The following SEMA5A variants were observed in gnomAD, a reference collection of about 807,000 sequenced individuals.
SEMA5A encodes the protein semaphorin-5A.
A neutral mutation model predicts 135.5 loss-of-function variants in SEMA5A; 55 were observed. The ratio of observed to expected loss-of-function variants is 0.41; its 90% CI spans 0.33 to 0.51. SEMA5A has a LOEUF of 0.51. SEMA5A is among the 20% of genes least tolerant of loss of function. SEMA5A has a pLI of 0.37. For missense variants in SEMA5A, 1,290 were observed against 1,419.9 expected (o/e 0.91, Z 1.47); for synonymous variants, 580 against 546.5 (o/e 1.06, Z -0.85).
chr5:9,115,917 A>G (rs562404578), intron 15 of SEMA5A, among the ~76,000 whole-genome samples: 39 of 152,318 alleles, frequency 2.6e-4, no homozygotes, highest in African/African-American at 9.4e-4. Flanking sequence ...TGTAATGCCC[A>G]TCTTGCAAGG....
intron 21 of SEMA5A, among the ~76,000 whole-genome samples, chr5:9,047,343 T>G (rs1052244981): frequency 6.6e-6 from 1 of 152,220 alleles, no homozygotes; most frequent in Non-Finnish European, 1.5e-5. Context: ...CCAGCTGACA[T>G]CTTTATGATG....
chr5:9,407,021 T>C (rs895272014), intron 2 of SEMA5A, among the ~76,000 whole-genome samples: 3 of 152,242 alleles, frequency 2.0e-5, no homozygotes, highest in Non-Finnish European at 4.4e-5. Context: ...ACATGTTTAT[T>C]GTGGATCTGT....
At chr5:9,155,780 T>C (rs545763561) in intron 11 of SEMA5A, among the ~76,000 whole-genome samples, 1 of 152,304 alleles carries the variant, frequency 6.6e-6, no homozygotes, top group Non-Finnish European at 1.5e-5. Context: ...ACTTTACATT[T>C]TTCTCTCTCT....
chr5:9,221,251 G>T (rs903496716), intron 8 of SEMA5A, among the ~76,000 whole-genome samples: 2 of 150,428 alleles, frequency 1.3e-5, no homozygotes, highest in Admixed American at 6.6e-5. Flanking sequence ...GCTTGTTGCG[G>T]TTTCTTTGTT....
At chr5:9,351,617 A>T (rs1457043390) in intron 3 of SEMA5A, among the ~76,000 whole-genome samples, 2 of 152,242 alleles carry the variant, frequency 1.3e-5, no homozygotes, top group Non-Finnish European at 2.9e-5. Flanking sequence ...AGCAATTAAC[A>T]CTGTTATTCA....
At chr5:9,494,008 T>TA (rs1209723413) in intron 1 of SEMA5A, among the ~76,000 whole-genome samples, 1 of 152,166 alleles carries the variant, frequency 6.6e-6, no homozygotes, top group East Asian at 1.9e-4. Context: ...TGGTAAATTT[T>TA]AAAAAATATA....
At chr5:9,124,190 C>A (rs1740980682) in intron 13 of SEMA5A, among the ~76,000 whole-genome samples, 1 of 152,092 alleles carries the variant, frequency 6.6e-6, no homozygotes, top group South Asian at 2.1e-4. Flanking sequence ...GGTGTGGCAC[C>A]TCTGAAGGCA....
At chr5:9,355,440 C>T (rs1168381478) in intron 3 of SEMA5A, among the ~76,000 whole-genome samples, 2 of 152,096 alleles carry the variant, frequency 1.3e-5, no homozygotes, top group Non-Finnish European at 2.9e-5. Context: ...GCATTTTGAA[C>T]TAATTGATTA....
At chr5:9,266,854 G>C (rs1749706299) in intron 5 of SEMA5A, among the ~76,000 whole-genome samples, 2 of 152,168 alleles carry the variant, frequency 1.3e-5, no homozygotes, top group Admixed American at 1.3e-4. Context: ...TATCAATATG[G>C]AAAGTTCAGC....
At chr5:9,507,997 C>G (rs1270950432) in intron 1 of SEMA5A, among the ~76,000 whole-genome samples, 2 of 111,862 alleles carry the variant, frequency 1.8e-5, no homozygotes, top group East Asian at 4.4e-4. Context: ...GAGCAAGACT[C>G]TGTCTCAAAA....
At chr5:9,252,853 C>A (rs77412991) in intron 5 of SEMA5A, among the ~76,000 whole-genome samples, 1 of 152,110 alleles carries the variant, frequency 6.6e-6, no homozygotes, top group Non-Finnish European at 1.5e-5. Flanking sequence ...TGTGAAGAAC[C>A]GTGGAAGAGA....
At chr5:9,340,163 A>G (rs1335268593) in intron 3 of SEMA5A, among the ~76,000 whole-genome samples, 1 of 152,220 alleles carries the variant, frequency 6.6e-6, no homozygotes, top group East Asian at 1.9e-4. Context: ...GCTAAGACCT[A>G]GAAATGTCCA....
chr5:9,462,416 G>T (rs1293504822), intron 1 of SEMA5A, among the ~76,000 whole-genome samples: 1 of 152,166 alleles, frequency 6.6e-6, no homozygotes, highest in Non-Finnish European at 1.5e-5. Flanking sequence ...GCAGTGTGGT[G>T]ATTCCCCAAA....
In SEMA5A at chr5:9,420,063, G is replaced by A. The variant is rs568847144; in HGVS notation, c.-78+17693C>T. Among the ~76,000 whole-genome samples, 52 of 152,138 alleles carry A rather than the reference G, an allele frequency of 3.4e-4. No individual in the cohort carries two copies. The South Asian group carries it at 4.6e-3, about 13-fold the overall frequency. ...AAATAACATAAGGGCCTTTGTTCCC[G>A]GGCTGAACTATTTCATTTCTCCACT... On this transcript the variant is annotated intron_variant, in intron 2 of 22. Coordinates refer to ENST00000382496, the MANE Select transcript of SEMA5A (RefSeq NM_003966.3).
chr5:9,316,686 A>T (rs1752405997), intron 5 of SEMA5A, among the ~76,000 whole-genome samples: 1 of 152,146 alleles, frequency 6.6e-6, no homozygotes, highest in Non-Finnish European at 1.5e-5. Flanking sequence ...AATTATATAT[A>T]TTGATAGTGT....
At chr5:9,169,112 T>A (rs1372624759) in intron 11 of SEMA5A, among the ~76,000 whole-genome samples, 2 of 152,048 alleles carry the variant, frequency 1.3e-5, no homozygotes, top group Admixed American at 1.3e-4. Context: ...TACTTTACAG[T>A]TGAAATTTGC....
intron 1 of SEMA5A, among the ~76,000 whole-genome samples, chr5:9,502,871 G>C (rs932984033): frequency 6.6e-6 from 1 of 152,200 alleles, no homozygotes; most frequent in African/African-American, 2.4e-5. Flanking sequence ...GCAAAGACAA[G>C]AAGAAAAGTG....
intron 20 of SEMA5A, among the ~76,000 whole-genome samples, chr5:9,051,031 G>C (rs1048670615): frequency 2.0e-5 from 3 of 152,216 alleles, no homozygotes; most frequent in African/African-American, 7.2e-5. Context: ...TCACTCGGTA[G>C]TCTAGAAACA....
chr5:9,158,898 G>A (rs1190202783), intron 11 of SEMA5A, among the ~76,000 whole-genome samples: 1 of 152,196 alleles, frequency 6.6e-6, no homozygotes, highest in Non-Finnish European at 1.5e-5. Flanking sequence ...CTTAGCAGAA[G>A]AGAAGGGATG....
Sources: allele counts gnomAD v4.1 joint callset (sites outside exome capture counted in the v4.1 genomes callset), GRCh38; gene constraint gnomAD v4.1.1; transcripts MANE v1.5; gene names NCBI Gene and HGNC (gene_info 2026-07-23, HGNC 2026-07-21).